Variants in TENM3 observed in about 807,000 individuals in gnomAD.
TENM3 encodes the protein teneurin transmembrane protein 3.
Under a neutral mutation model 255.1 loss-of-function variants are expected in TENM3, and 63 were observed. The ratio of observed to expected loss-of-function variants is 0.25; its 90% confidence interval spans 0.20 to 0.30. The LOEUF is 0.30. Among genes scored for constraint, TENM3 ranks in the 10% least tolerant of loss-of-function variants. The pLI is 1.00. For synonymous variants in TENM3, 1,306 were observed against 1,322.3 expected, an observed-to-expected ratio of 0.99 and a Z score of 0.27; for missense variants, 2,929 against 3,461.1, an observed-to-expected ratio of 0.85 and a Z score of 3.86.
At chr4:182,075,174 TA>T in the TENM3 span, among the ~76,000 whole-genome samples, 1 of 150,810 alleles carries the variant, frequency 6.6e-6, no homozygotes, top group East Asian at 2.0e-4. Flanking sequence ...GATTTGTATG[TA>T]AAACAGTGGA....
chr4:181,899,749 G>T, the TENM3 span, among the ~76,000 whole-genome samples: 1 of 151,932 alleles, frequency 6.6e-6, no homozygotes, highest in African/African-American at 2.4e-5. Context: ...TGTATTTTTA[G>T]AAGAGATGGG....
At chr4:182,171,376 C>T (rs1166014617) in intron 1 of TENM3, among the ~76,000 whole-genome samples, 1 of 152,116 alleles carries the variant, frequency 6.6e-6, no homozygotes, top group African/African-American at 2.4e-5. Context: ...CTAATAGAAA[C>T]CTCTTTCTGT....
chr4:182,578,009 C>G (rs998734473), intron 3 of TENM3, among the ~76,000 whole-genome samples: 7 of 150,262 alleles, frequency 4.7e-5, no homozygotes, highest in African/African-American at 1.7e-4. Flanking sequence ...TGGAGTCTTG[C>G]TGTGTTGCCC....
upstream of TENM3, among the ~76,000 whole-genome samples, chr4:182,242,015 CCT>C (rs1272485728): frequency 1.1e-5 from 1 of 88,280 alleles, no homozygotes; most frequent in Non-Finnish European, 2.2e-5. Context: ...TTTTTTTTTT[CCT>C]CTCTCTTTTT....
the TENM3 span, among the ~76,000 whole-genome samples, chr4:181,924,173 C>T: frequency 6.6e-6 from 1 of 152,128 alleles, no homozygotes; most frequent in African/African-American, 2.4e-5. Flanking sequence ...CCAATGGATT[C>T]CCCAAATTCA....
chr4:182,518,413 C>T (rs1232652380), intron 3 of TENM3, among the ~76,000 whole-genome samples: 1 of 152,038 alleles, frequency 6.6e-6, no homozygotes, highest in Admixed American at 6.5e-5. Context: ...AATCAGTTGA[C>T]TCTGCATTCA....
the TENM3 span, among the ~76,000 whole-genome samples, chr4:181,672,330 G>A: frequency 6.6e-6 from 1 of 152,072 alleles, no homozygotes; most frequent in Non-Finnish European, 1.5e-5. Flanking sequence ...TGCTTTATTT[G>A]TTATTTCTAT....
the TENM3 span, among the ~76,000 whole-genome samples, chr4:181,924,004 G>C: frequency 6.6e-6 from 1 of 151,874 alleles, no homozygotes; most frequent in Non-Finnish European, 1.5e-5. Flanking sequence ...CAGTCTCTTG[G>C]GCTCTTACAT....
chr4:181,592,927 C>CTT, the TENM3 span, among the ~76,000 whole-genome samples: 1 of 152,154 alleles, frequency 6.6e-6, no homozygotes, highest in Non-Finnish European at 1.5e-5. Context: ...ACAATGTCTT[C>CTT]TTTGAGTTGA....
the TENM3 span, among the ~76,000 whole-genome samples, chr4:181,716,485 C>G: frequency 6.6e-6 from 1 of 152,182 alleles, no homozygotes; most frequent in Non-Finnish European, 1.5e-5. Context: ...CCCTCCATGG[C>G]TCTGCCTACA....
intron 3 of TENM3, among the ~76,000 whole-genome samples, chr4:182,482,877 C>T (rs971339313): frequency 2.0e-5 from 3 of 152,102 alleles, no homozygotes; most frequent in South Asian, 2.1e-4. Context: ...GAAGCAGTTA[C>T]GAGTGTAGAC....
At chr4:182,426,460 T>C (rs1381257335) in intron 3 of TENM3, among the ~76,000 whole-genome samples, 1 of 152,218 alleles carries the variant, frequency 6.6e-6, no homozygotes, top group African/African-American at 2.4e-5. Context: ...TTGATACTTA[T>C]GCAGATCTCT....
the TENM3 span, among the ~76,000 whole-genome samples, chr4:182,109,100 G>A: frequency 6.7e-6 from 1 of 150,316 alleles, no homozygotes; most frequent in Admixed American, 6.6e-5. Flanking sequence ...ACTAATATTA[G>A]GCTAAAAAAG....
the TENM3 span, among the ~76,000 whole-genome samples, chr4:182,045,884 C>CA: frequency 6.6e-6 from 1 of 152,010 alleles, no homozygotes. Flanking sequence ...CTCATTTCTA[C>CA]AAAAAAATTT....
At chr4:182,106,728 T>C in the TENM3 span, among the ~76,000 whole-genome samples, 25 of 152,284 alleles carry the variant, frequency 1.6e-4, no homozygotes, top group South Asian at 5.0e-3. Flanking sequence ...CCTTTGAAGC[T>C]GGGAGCATAA....
chr4:182,022,951 G>C, the TENM3 span, among the ~76,000 whole-genome samples: 1 of 152,166 alleles, frequency 6.6e-6, no homozygotes, highest in Admixed American at 6.5e-5. Context: ...ACGCCTTCCA[G>C]CTTATTTTTT....
At chr4:182,737,138 T>C in intron 17 of TENM3, 63 bp downstream of exon 17, 3 of 1,520,164 alleles carry the variant, frequency 2.0e-6, no homozygotes, top group Non-Finnish European at 2.7e-6. Flanking sequence ...TATCATAAAT[T>C]AATTGTAACC....
At chr4:181,772,968 C>G in the TENM3 span, among the ~76,000 whole-genome samples, 1 of 152,266 alleles carries the variant, frequency 6.6e-6, no homozygotes, top group Middle Eastern at 3.4e-3. Context: ...TTCATTCTCT[C>G]AAAAACATTT....
intron 1 of TENM3, among the ~76,000 whole-genome samples, chr4:182,269,546 T>C (rs574586859): frequency 4.0e-5 from 6 of 151,752 alleles, no homozygotes; most frequent in Non-Finnish European, 7.4e-5. Context: ...ACAGGCCCCC[T>C]CCCCTTTATA....
Sources: gnomAD v4.1 joint callset for allele counts (sites outside exome capture counted in the v4.1 genomes callset) on GRCh38, gnomAD v4.1.1 for gene constraint, MANE v1.5 for transcripts, NCBI Gene and HGNC (gene_info 2026-07-23, HGNC 2026-07-21) for gene names.